The following SLCO1B1 variants were observed in gnomAD, a reference collection of about 807,000 sequenced individuals.
SLCO1B1 encodes the protein OATP-2.
In SLCO1B1, 81 loss-of-function variants were observed where a neutral mutation model predicts 70.1. The ratio of observed to expected loss-of-function variants is 1.16; its 90% confidence interval spans 0.97 to 1.39. The LOEUF (loss-of-function observed/expected upper bound fraction) is 1.39, where lower values mean the gene tolerates loss of function less well. SLCO1B1 is among the 40% of genes most tolerant of loss of function. The pLI is 0.00. For missense variants in SLCO1B1, 895 were observed against 799.6 expected, an observed-to-expected ratio of 1.12 and a Z score of -1.44; for synonymous variants, 283 against 271.5, an observed-to-expected ratio of 1.04 and a Z score of -0.42.
At chr12:21,134,734 A>G (rs1044604202) in intron 1 of SLCO1B1, among the ~76,000 whole-genome samples, 1 of 151,640 alleles carries the variant, frequency 6.6e-6, no homozygotes, top group African/African-American at 2.4e-5. Flanking sequence ...TTTCTTCTTT[A>G]TTAGTCTTGC....
chr12:21,166,645 G>A (rs149585612), intron 2 of SLCO1B1, among the ~76,000 whole-genome samples: 2 of 152,128 alleles, frequency 1.3e-5, no homozygotes, highest in African/African-American at 4.8e-5. Flanking sequence ...CCAAATACTG[G>A]CAAGAATGTG....
chr12:21,180,101 CA>C (rs1235519723), intron 7 of SLCO1B1, among the ~76,000 whole-genome samples: 1 of 152,064 alleles, frequency 6.6e-6, no homozygotes, highest in Non-Finnish European at 1.5e-5. Flanking sequence ...AGTGCTTCTT[CA>C]TCCATTTTCC....
chr12:21,233,571 C>CAAAAAAAAA (rs60313934), intron 14 of SLCO1B1, among the ~76,000 whole-genome samples: 10 of 137,610 alleles, frequency 7.3e-5, no homozygotes, highest in Non-Finnish European at 7.9e-5. Flanking sequence ...AACAAACAAA[C>CAAAAAAAAA]AAAAAAAAAA....
At chr12:21,167,608 C>T (rs764451009) in intron 2 of SLCO1B1, among the ~76,000 whole-genome samples, 1 of 152,006 alleles carries the variant, frequency 6.6e-6, no homozygotes, top group Admixed American at 6.6e-5. Flanking sequence ...ATTAAATGTA[C>T]CTTTTCAACC....
chr12:21,137,617 G>T (rs1016660736), intron 1 of SLCO1B1, among the ~76,000 whole-genome samples: 9 of 152,176 alleles, frequency 5.9e-5, no homozygotes, highest in Admixed American at 5.2e-4. Context: ...GAGACTCTGT[G>T]GGCATAGGAC....
chr12:21,226,708 C>A (rs1192882396), intron 14 of SLCO1B1, among the ~76,000 whole-genome samples: 10 of 152,054 alleles, frequency 6.6e-5, no homozygotes, highest in Non-Finnish European at 8.8e-5. Flanking sequence ...AAACTCTAAT[C>A]TAAAATATGA....
intron 2 of SLCO1B1, among the ~76,000 whole-genome samples, chr12:21,158,486 G>A (rs1374307297): frequency 2.0e-5 from 3 of 152,146 alleles, no homozygotes; most frequent in Non-Finnish European, 4.4e-5. Flanking sequence ...ACGAGCTCAG[G>A]AGTTCAAGAT....
At chr12:21,190,206 G>T (rs1216701002) in intron 7 of SLCO1B1, among the ~76,000 whole-genome samples, 1 of 152,190 alleles carries the variant, frequency 6.6e-6, no homozygotes, top group Non-Finnish European at 1.5e-5. Flanking sequence ...ATGTTGTCCA[G>T]AAACTGACCT....
At chr12:21,171,648 G>A (rs1940757075) in intron 2 of SLCO1B1, among the ~76,000 whole-genome samples, 1 of 152,158 alleles carries the variant, frequency 6.6e-6, no homozygotes, top group East Asian at 1.9e-4. Flanking sequence ...AATTAGAAGA[G>A]GTCGTTTAGT....
At chr12:21,176,706 CTG>C in intron 4 of SLCO1B1, 68 bp from the exon 5 acceptor site, 2 of 1,206,030 alleles carry the variant, frequency 1.7e-6, no homozygotes, top group Admixed American at 1.7e-5. Flanking sequence ...GAATATTTCT[CTG>C]TATTTCTAGG....
At chr12:21,153,432 A>G (rs1426550833) in intron 2 of SLCO1B1, among the ~76,000 whole-genome samples, 1 of 152,136 alleles carries the variant, frequency 6.6e-6, no homozygotes, top group African/African-American at 2.4e-5. Flanking sequence ...AATATTTGTC[A>G]TAATTGCATT....
chr12:21,205,341 C>G (rs566460744), intron 10 of SLCO1B1, among the ~76,000 whole-genome samples: 1 of 151,652 alleles, frequency 6.6e-6, no homozygotes, highest in South Asian at 2.1e-4. Flanking sequence ...TCAACTGATT[C>G]TATTCTTGAT....
At chr12:21,132,575 T>A (rs1429390332) in intron 1 of SLCO1B1, among the ~76,000 whole-genome samples, 1 of 152,252 alleles carries the variant, frequency 6.6e-6, no homozygotes, top group African/African-American at 2.4e-5. Flanking sequence ...TTTGCATTTC[T>A]CTGATGGCCA....
chr12:21,151,418 A>G (rs1940469244), intron 2 of SLCO1B1, among the ~76,000 whole-genome samples: 1 of 152,180 alleles, frequency 6.6e-6, no homozygotes, highest in African/African-American at 2.4e-5. Flanking sequence ...AGTACCTGAT[A>G]ATAGCAAATT....
chr12:21,235,023 T>G (rs980907270), intron 14 of SLCO1B1, among the ~76,000 whole-genome samples: 1 of 151,920 alleles, frequency 6.6e-6, no homozygotes, highest in African/African-American at 2.4e-5. Flanking sequence ...GATTTTTGGG[T>G]GAAGTATTCT....
chr12:21,138,122 A>G (rs1591794937), intron 1 of SLCO1B1, among the ~76,000 whole-genome samples: 1 of 152,322 alleles, frequency 6.6e-6, no homozygotes, highest in East Asian at 1.9e-4. Context: ...TCTCTCCTAT[A>G]AAAGGTCTAA....
chr12:21,227,885 T>C (rs1041291554), intron 14 of SLCO1B1, among the ~76,000 whole-genome samples: 2 of 152,174 alleles, frequency 1.3e-5, no homozygotes, highest in African/African-American at 4.8e-5. Flanking sequence ...AAAAATATTT[T>C]ATGTTAATTG....
At chr12:21,224,683 A>C in intron 13 of SLCO1B1, 39 bp from the exon 14 acceptor site, 1 of 1,174,348 alleles carries the variant, frequency 8.5e-7, no homozygotes, top group Non-Finnish European at 1.3e-6. Flanking sequence ...CATTTAAAAT[A>C]TGTTCCCTAA....
At chr12:21,180,496 G>T (rs1232040310) in intron 7 of SLCO1B1, among the ~76,000 whole-genome samples, 3 of 152,074 alleles carry the variant, frequency 2.0e-5, no homozygotes, top group Non-Finnish European at 4.4e-5. Context: ...AGAATGGCAT[G>T]TTCTTAGCAA....
Sources: gnomAD v4.1 joint callset for allele counts (sites outside exome capture counted in the v4.1 genomes callset) on GRCh38, gnomAD v4.1.1 for gene constraint, MANE v1.5 for transcripts, NCBI Gene and HGNC (gene_info 2026-07-23, HGNC 2026-07-21) for gene names.